The following MLIP variants were observed in gnomAD, a reference collection of about 807,000 sequenced individuals.
MLIP encodes muscular LMNA interacting protein.
MLIP carries 79 observed loss-of-function variants against 84.8 expected under a neutral mutation model. The observed-to-expected ratio is 0.93, with a 90% confidence interval of 0.78 to 1.12. The LOEUF (loss-of-function observed/expected upper bound fraction) is 1.12. Among genes scored for constraint, MLIP ranks in the 50% most tolerant of loss-of-function variants. MLIP has a pLI of 0.00. For missense variants in MLIP, 1,257 were observed against 1,160.6 expected (o/e 1.08, Z -1.21); for synonymous variants, 504 against 463.0 (o/e 1.09, Z -1.14).
At chr6:54,082,477 C>T (rs1201176820) in intron 1 of MLIP, among the ~76,000 whole-genome samples, 4 of 152,194 alleles carry the variant, frequency 2.6e-5, no homozygotes, top group African/African-American at 9.7e-5. Context: ...CCTCCCCTAA[C>T]ACTTGGGGAT....
intron 11 of MLIP, among the ~76,000 whole-genome samples, chr6:54,207,431 T>C (rs1428665488): frequency 7.6e-6 from 1 of 131,152 alleles, no homozygotes. Flanking sequence ...TTTTTTGACA[T>C]TTCTTTTCTC....
intron 1 of MLIP, among the ~76,000 whole-genome samples, chr6:54,117,946 AAAC>A (rs70980895): frequency 0.023 from 3,199 of 141,592 alleles, 109 homozygotes; most frequent in African/African-American, 0.08. Context: ...CTCTGTCTCA[AAAC>A]AACAACAACA....
intron 1 of MLIP, among the ~76,000 whole-genome samples, chr6:54,042,204 A>G (rs1280624380): frequency 1.3e-5 from 2 of 152,126 alleles, no homozygotes; most frequent in Non-Finnish European, 2.9e-5. Context: ...CTTTCTGTGA[A>G]TAAAACTGAA....
chr6:54,020,238 G>A (rs1763420577), intron 1 of MLIP, among the ~76,000 whole-genome samples: 1 of 152,164 alleles, frequency 6.6e-6, no homozygotes, highest in Non-Finnish European at 1.5e-5. Context: ...ATAGGGAACA[G>A]TAATAACTAA....
chr6:54,064,403 A>G (rs1158833503), intron 1 of MLIP, among the ~76,000 whole-genome samples: 1 of 99,890 alleles, frequency 1.0e-5, no homozygotes, highest in African/African-American at 2.6e-5. Context: ...TTGGCACAGT[A>G]AAGAAGACTA....
rs1308754199 is a variant in MLIP at position 54,266,008 on chromosome 6, T to G, written c.*53T>G. 6 of 1,589,218 alleles carry G rather than the reference T, an allele frequency of 3.8e-6. No homozygotes were observed. Among genetic ancestry groups the G allele is most frequent in the Non-Finnish European group, 5.2e-6 (6 of 1,163,276 alleles). On this transcript the variant is annotated 3_prime_UTR_variant, in exon 14 of 14. Transcript: ENST00000502396. ...CTGCTGAAGTTTTTTGGAATGCTGG[T>G]GCTAACCACTTGCTAGATTTAACTT... is the stretch of plus-strand genomic sequence containing the variant.
chr6:54,059,496 T>C (rs897521597), intron 1 of MLIP, among the ~76,000 whole-genome samples: 6 of 152,178 alleles, frequency 3.9e-5, no homozygotes, highest in Non-Finnish European at 8.8e-5. Context: ...AAATATTCAA[T>C]AAATAGGATG....
chr6:54,103,908 C>T (rs1768827761), intron 1 of MLIP, among the ~76,000 whole-genome samples: 3 of 152,108 alleles, frequency 2.0e-5, no homozygotes. Context: ...CATTGGCTAT[C>T]ATTGTTCTTT....
At chr6:54,050,319 A>G (rs1260746039) in intron 1 of MLIP, among the ~76,000 whole-genome samples, 1 of 152,168 alleles carries the variant, frequency 6.6e-6, no homozygotes, top group East Asian at 1.9e-4. Context: ...CCATCTGCCA[A>G]TAACCATGAC....
intron 1 of MLIP, 81 bp downstream of exon 1, chr6:54,111,656 T>C: frequency 1.4e-6 from 2 of 1,383,944 alleles, no homozygotes; most frequent in Non-Finnish European, 2.0e-6. Flanking sequence ...TGCAAGGATG[T>C]GAGGGAGAGC....
chr6:54,042,899 A>G (rs755664328), intron 1 of MLIP, among the ~76,000 whole-genome samples: 7 of 152,340 alleles, frequency 4.6e-5, no homozygotes, highest in Admixed American at 1.3e-4. Flanking sequence ...CTTAGTAATG[A>G]AATTTTTGCT....
intron 12 of MLIP, among the ~76,000 whole-genome samples, chr6:54,252,435 AT>A (rs1168057333): frequency 6.9e-5 from 6 of 86,704 alleles, no homozygotes; most frequent in African/African-American, 1.6e-4. Flanking sequence ...CATATAATAT[AT>A]AATATAACTA....
intron 11 of MLIP, chr6:54,215,313 T>C: frequency 7.2e-7 from 1 of 1,382,160 alleles, no homozygotes; most frequent in African/African-American, 1.5e-5. Context: ...CATGGGCTCT[T>C]GTGATTTTTG....
chr6:54,217,045 C>A (rs1779902797), intron 11 of MLIP: 25 of 985,388 alleles, frequency 2.5e-5, no homozygotes, highest in Non-Finnish European at 3.0e-5. Flanking sequence ...CAAAGGAAAG[C>A]TGAAAATAAA....
At chr6:54,156,205 T>C (rs924695182) in intron 5 of MLIP, among the ~76,000 whole-genome samples, 2 of 152,098 alleles carry the variant, frequency 1.3e-5, no homozygotes, top group Admixed American at 1.3e-4. Flanking sequence ...ATGATACATC[T>C]GACAAGTAAC....
At position 54,069,728 on chromosome 6, in the gene MLIP, G is replaced by A. The variant is rs1766374013; in HGVS notation, c.63+50637G>A. On this transcript the variant is annotated intron_variant, in intron 1 of 12. Transcript: ENST00000274897. ...TTGATCTGTAGTTTGTTGAATCCAG[G>A]GATGCAGAACTCGTCTATATGGAGG... is the stretch of plus-strand genomic sequence containing the variant. Among the ~76,000 whole-genome samples, 2 of 98,018 alleles carry A rather than the reference G, an allele frequency of 2.0e-5. 1 individual carries two copies. The highest frequency in any genetic ancestry group is 5.2e-5 in the African/African-American group (2 of 38,580). The allele number at this position is 98,018 out of a possible 152,430, so 64.3% of individuals were successfully genotyped here. A position where few individuals can be genotyped will look rare whatever the true frequency, so the allele number is the denominator to read the frequency against.
upstream of MLIP, among the ~76,000 whole-genome samples, chr6:54,107,952 G>A (rs1329277070): frequency 2.0e-5 from 3 of 151,872 alleles, no homozygotes; most frequent in African/African-American, 7.3e-5. Flanking sequence ...CAAACTTGTG[G>A]ACTAATCTAT....
At chr6:54,111,273 T>C (rs770654529), upstream of MLIP, 32 of 743,608 alleles carry the variant, frequency 4.3e-5, no homozygotes, top group Non-Finnish European at 5.9e-5. Context: ...GCAGTTAGTA[T>C]GACCTCTCAT....
At chr6:54,143,534 G>A (rs1697066199) in intron 4 of MLIP, among the ~76,000 whole-genome samples, 1 of 152,124 alleles carries the variant, frequency 6.6e-6, no homozygotes, top group Non-Finnish European at 1.5e-5. Flanking sequence ...AGGGGAGTGT[G>A]CAGTTTAACT....
Sources: allele counts gnomAD v4.1 joint callset (sites outside exome capture counted in the v4.1 genomes callset), GRCh38; gene constraint gnomAD v4.1.1; transcripts MANE v1.5; gene names NCBI Gene and HGNC (gene_info 2026-07-23, HGNC 2026-07-21).